TNFSF4: variants seen among roughly 807,000 people sequenced by gnomAD.
TNFSF4 encodes TNF superfamily member 4.
Under a neutral mutation model 7.3 loss-of-function variants are expected in TNFSF4, and 4 were observed. The ratio of observed to expected loss-of-function variants is 0.55; its 90% CI spans 0.27 to 1.25. The LOEUF is 1.25. Ranked by LOEUF, TNFSF4 falls within the 50% of genes most tolerant of loss-of-function variation. The pLI is 0.12. For synonymous variants in TNFSF4, 76 were observed against 83.7 expected (o/e 0.91, Z 0.50); for missense variants, 181 against 208.8 (o/e 0.87, Z 0.82).
At chr1:173,334,310 C>T in the TNFSF4 span, among the ~76,000 whole-genome samples, 1,966 of 152,236 alleles carry the variant, frequency 0.013, 40 homozygotes, top group African/African-American at 0.046. Context: ...CAAATAACCA[C>T]TTATAAGAAG....
At chr1:173,407,130 G>T in the TNFSF4 span, among the ~76,000 whole-genome samples, 1 of 151,910 alleles carries the variant, frequency 6.6e-6, no homozygotes, top group Admixed American at 6.6e-5. Flanking sequence ...TGGGGAGGCA[G>T]GTGGTGCGGG....
chr1:173,390,421 G>A, the TNFSF4 span, among the ~76,000 whole-genome samples: 15 of 152,014 alleles, frequency 9.9e-5, no homozygotes, highest in Non-Finnish European at 2.1e-4. Flanking sequence ...TTTTGGCCCT[G>A]GGATTTTTCC....
the TNFSF4 span, among the ~76,000 whole-genome samples, chr1:173,341,458 T>A: frequency 1.3e-5 from 2 of 152,168 alleles, no homozygotes; most frequent in Non-Finnish European, 2.9e-5. Context: ...TGCCAGAATA[T>A]GACTAAGGCC....
At chr1:173,255,452 G>A in the TNFSF4 span, among the ~76,000 whole-genome samples, 2 of 152,196 alleles carry the variant, frequency 1.3e-5, no homozygotes, top group Non-Finnish European at 2.9e-5. Flanking sequence ...CTATGGAGAA[G>A]TATTATTTAG....
the TNFSF4 span, among the ~76,000 whole-genome samples, chr1:173,311,487 C>T: frequency 6.6e-6 from 1 of 151,938 alleles, no homozygotes; most frequent in African/African-American, 2.4e-5. Flanking sequence ...CTGAAGGACC[C>T]CTCTCCTTCA....
rs1649195452 is a variant in TNFSF4, at chr1:173,185,778, C to CT, written c.*737dup. On this transcript the variant is annotated 3_prime_UTR_variant, in exon 3 of 3. Transcript: ENST00000281834. ...TCTCCCTGTATACAAGAAAATCTCT[C>CT]TTAAGTCACTGATTAGATTTTTCAA... The CT allele has an allele frequency of 1.3e-5, 2 of 152,200 alleles. No homozygotes were observed. Among genetic ancestry groups the CT allele is most frequent in the African/African-American group, 4.8e-5 (2 of 41,434 alleles). 9.4% of individuals were successfully genotyped at this position (152,200 alleles called of 1,614,324 possible). A position where few individuals can be genotyped will look rare whatever the true frequency, so the allele number is the denominator to read the frequency against.
the TNFSF4 span, among the ~76,000 whole-genome samples, chr1:173,281,960 C>T: frequency 6.6e-6 from 1 of 152,266 alleles, no homozygotes; most frequent in East Asian, 1.9e-4. Flanking sequence ...CATGCACAAC[C>T]TCCACACAAT....
At chr1:173,412,989 G>T in the TNFSF4 span, among the ~76,000 whole-genome samples, 1 of 152,214 alleles carries the variant, frequency 6.6e-6, no homozygotes, top group Non-Finnish European at 1.5e-5. Flanking sequence ...ATAGTGTGTT[G>T]ATTGGCTTGG....
At chr1:173,336,699 A>T in the TNFSF4 span, among the ~76,000 whole-genome samples, 12,811 of 152,200 alleles carry the variant, frequency 0.084, 673 homozygotes, top group East Asian at 0.27. Context: ...GGAACTAGTG[A>T]GCAAGAAGTA....
chr1:173,207,266 G>C lies in TNFSF4; in HGVS notation c.-90C>G. 4 of 1,319,206 alleles carry C rather than the reference G, an allele frequency of 3.0e-6. No homozygotes were observed. Among genetic ancestry groups the C allele is most frequent in the Non-Finnish European group, 4.2e-6 (4 of 948,600 alleles). 81.7% of individuals were successfully genotyped at this position (1,319,206 alleles called of 1,614,324 possible). A position where few individuals can be genotyped will look rare whatever the true frequency, so the allele number is the denominator to read the frequency against. The stretch of plus-strand genomic sequence containing the variant: ...TTTTCCCCAGAAAGAAGGAGGTAAA[G>C]ACAAAACAAAGCCTATCAATCAGAA... On this transcript the variant is annotated 5_prime_UTR_variant, in exon 1 of 3. Coordinates refer to ENST00000281834, the MANE Select transcript of TNFSF4 (RefSeq NM_003326.5).
At chr1:173,411,514 G>C in the TNFSF4 span, among the ~76,000 whole-genome samples, 1 of 152,184 alleles carries the variant, frequency 6.6e-6, no homozygotes, top group Non-Finnish European at 1.5e-5. Flanking sequence ...TCAAGAAATA[G>C]TTAGGCTGAG....
the TNFSF4 span, chr1:173,441,821 T>C: frequency 1.3e-5 from 2 of 152,204 alleles, no homozygotes; most frequent in African/African-American, 4.8e-5. Context: ...GTAGTCACAT[T>C]TTACCTCCAC....
chr1:173,235,633 A>C, the TNFSF4 span, among the ~76,000 whole-genome samples: 5 of 152,360 alleles, frequency 3.3e-5, no homozygotes, highest in East Asian at 7.7e-4. Context: ...CACTGTGGGC[A>C]TGTTTAGATA....
chr1:173,360,673 T>C, the TNFSF4 span, among the ~76,000 whole-genome samples: 1 of 151,994 alleles, frequency 6.6e-6, no homozygotes, highest in African/African-American at 2.4e-5. Context: ...TCCAAAGAAA[T>C]AGAGAAGAAC....
the TNFSF4 span, among the ~76,000 whole-genome samples, chr1:173,311,406 A>G: frequency 3.3e-5 from 5 of 152,068 alleles, no homozygotes; most frequent in Non-Finnish European, 7.4e-5. Context: ...GATACAAGAT[A>G]AAATGCAGTA....
At chr1:173,251,267 C>G in the TNFSF4 span, among the ~76,000 whole-genome samples, 2 of 152,206 alleles carry the variant, frequency 1.3e-5, no homozygotes, top group Admixed American at 1.3e-4. Flanking sequence ...ATACTTCACA[C>G]CATTTAACTG....
the TNFSF4 span, among the ~76,000 whole-genome samples, chr1:173,396,643 C>T: frequency 2.0e-5 from 3 of 152,298 alleles, no homozygotes; most frequent in Admixed American, 1.3e-4. Flanking sequence ...AAGGGCTCTA[C>T]ATTTTTGTTG....
chr1:173,447,959 C>T, the TNFSF4 span, among the ~76,000 whole-genome samples: 3 of 151,834 alleles, frequency 2.0e-5, no homozygotes, highest in East Asian at 3.9e-4. Flanking sequence ...AAACACTAAT[C>T]GAAAGAAAAA....
At chr1:173,351,789 G>T in the TNFSF4 span, 7 of 600,180 alleles carry the variant, frequency 1.2e-5, no homozygotes. Flanking sequence ...AGTAGTCCAG[G>T]TTTACAGGAA....
Sources: allele counts gnomAD v4.1 joint callset (sites outside exome capture counted in the v4.1 genomes callset), GRCh38; gene constraint gnomAD v4.1.1; transcripts MANE v1.5; gene names NCBI Gene and HGNC (gene_info 2026-07-23, HGNC 2026-07-21).